NCAN: variants seen among roughly 807,000 people sequenced by gnomAD.
NCAN encodes neurocan core protein.
In NCAN, 47 loss-of-function variants were observed where a neutral mutation model predicts 121.8. The observed-to-expected ratio is 0.39, with a 90% CI of 0.31 to 0.49. NCAN has a LOEUF of 0.49. NCAN is among the 20% of genes least tolerant of loss of function. NCAN has a pLI of 0.92. For missense variants in NCAN, 1,517 were observed against 1,773.4 expected, an observed-to-expected ratio of 0.86 and a Z score of 2.60; for synonymous variants, 633 against 702.0, an observed-to-expected ratio of 0.90 and a Z score of 1.55.
At chr19:19,216,297 C>T (rs997136054) in intron 1 of NCAN, among the ~76,000 whole-genome samples, 17 of 150,728 alleles carry the variant, frequency 1.1e-4, no homozygotes, top group Non-Finnish European at 2.5e-4. Context: ...CACAGGTGTG[C>T]GCCACCAAGC....
chr19:19,240,201 C>A (rs1426879095), intron 11 of NCAN, among the ~76,000 whole-genome samples: 1 of 150,348 alleles, frequency 6.7e-6, no homozygotes. Flanking sequence ...TCCCTTCCTT[C>A]CCCCTTCCCT....
intron 8 of NCAN, among the ~76,000 whole-genome samples, chr19:19,230,710 G>A (rs900934346): frequency 4.8e-5 from 7 of 146,366 alleles, no homozygotes; most frequent in Non-Finnish European, 8.9e-5. Context: ...GTGTTGGGGT[G>A]GGATCTTTTT....
chr19:19,221,371 C>G (rs933925919), intron 3 of NCAN, among the ~76,000 whole-genome samples: 1 of 152,044 alleles, frequency 6.6e-6, no homozygotes, highest in Admixed American at 6.6e-5. Flanking sequence ...AGTTCGAGAC[C>G]AGCCTGGCCA....
At chr19:19,219,417 T>TGGCATGAGACACCA in intron 3 of NCAN, 101 bp downstream of exon 3, 1 of 1,241,382 alleles carries the variant, frequency 8.1e-7, no homozygotes, top group Non-Finnish European at 1.1e-6. Flanking sequence ...CCCTGAGACC[T>TGGCATGAGACACCA]GGCCTGGTGT....
At chr19:19,233,658 T>G in intron 8 of NCAN, 131 bp from the exon 9 acceptor site, 3 of 629,742 alleles carry the variant, frequency 4.8e-6, no homozygotes, top group Non-Finnish European at 8.7e-6. Context: ...TGACCGCTGG[T>G]TGGGGAAGTT....
intron 10 of NCAN, 148 bp from the exon 11 acceptor site, chr19:19,238,105 G>T: frequency 1.0e-6 from 1 of 976,858 alleles, no homozygotes; most frequent in Non-Finnish European, 1.6e-6. Flanking sequence ...CAGAGCCTCA[G>T]GAGGAGGGGC....
At chr19:19,240,717 T>A in intron 12 of NCAN, 32 bp downstream of exon 12, 1 of 1,606,178 alleles carries the variant, frequency 6.2e-7, no homozygotes, top group Non-Finnish European at 8.5e-7. Context: ...CCTAGGCTGC[T>A]GAGCCACATC....
Position 19,228,176 on chromosome 19 carries a change from A to C in NCAN, c.2556A>C (p.Glu852Asp). 6.2e-7 allele frequency: 1 copy of C among 1,613,838 alleles called. No homozygotes were observed. Among genetic ancestry groups the C allele is most frequent in the Non-Finnish European group, 8.5e-7 (1 of 1,180,000 alleles). The change falls in exon 8 of 15, where the codon GAA (glutamate) becomes GAC (aspartate). Residue 852 changes from glutamate to aspartate, a missense_variant. Coordinates refer to ENST00000252575, the MANE Select transcript of NCAN (RefSeq NM_004386.3). ...GIWEPGSQVFEEAESTTLSPQ... is the reference protein window; with the variant it reads ...GIWEPGSQVFDEAESTTLSPQ... ...GGGAACCTGGATCCCAGGTGTTTGA[A>C]GAAGCCGAAAGCACCACCTTGAGCC...
chr19:19,248,295 A>G (rs2060932820), intron 13 of NCAN, among the ~76,000 whole-genome samples: 1 of 152,104 alleles, frequency 6.6e-6, no homozygotes, highest in South Asian at 2.1e-4. Context: ...AAATACAAAA[A>G]TTAGCCAGCC....
chr19:19,237,645 C>T (rs1034305240), intron 10 of NCAN, among the ~76,000 whole-genome samples: 21 of 152,200 alleles, frequency 1.4e-4, no homozygotes, highest in African/African-American at 3.6e-4. Flanking sequence ...CATGTCCATA[C>T]GAAGGGTGTG....
Position 19,225,322 on chromosome 19 carries a change from G to GC in NCAN, c.1072+54dup. The GC allele has an allele frequency of 6.8e-7, 1 of 1,460,914 alleles. No homozygotes were observed. The highest frequency in any genetic ancestry group is 8.9e-7 in the Non-Finnish European group (1 of 1,120,786). 90.5% of individuals were successfully genotyped at this position (1,460,914 alleles called of 1,614,324 possible). A position where few individuals can be genotyped will look rare whatever the true frequency, so the allele number is the denominator to read the frequency against. ...CCCCAGGGCTTTCACTTTGGCGAAG[G>GC]CCACGTCCCTGAAAGCCTCGCCAAG... On this transcript the variant is annotated intron_variant, in intron 6 of 14. Transcript: ENST00000252575. The surrounding 1 kb of genome is among the most constrained non-coding windows in gnomAD (Gnocchi z 4.0).
At position 19,250,329 on chromosome 19, in the gene NCAN, A is replaced by C; in HGVS notation, c.*418A>C. The stretch of plus-strand genomic sequence containing the variant: ...TTAGTCAATGTTGGCTGAATTCCTA[A>C]ATCCAGGAAGAAGCCTGGACGTAGG... On this transcript the variant is annotated 3_prime_UTR_variant, in exon 15 of 15. Coordinates refer to ENST00000252575, the MANE Select transcript of NCAN (RefSeq NM_004386.3). 1 of 368,586 alleles carries C rather than the reference A, an allele frequency of 2.7e-6. No homozygotes were observed. Among genetic ancestry groups the C allele is most frequent in the Non-Finnish European group, 5.3e-6 (1 of 189,394 alleles). The allele number at this position is 368,586 out of a possible 1,614,324, so 22.8% of individuals were successfully genotyped here. A position where few individuals can be genotyped will look rare whatever the true frequency, so the allele number is the denominator to read the frequency against.
chr19:19,244,256 C>A (rs187361588), intron 12 of NCAN, among the ~76,000 whole-genome samples: 4 of 151,590 alleles, frequency 2.6e-5, no homozygotes, highest in Admixed American at 2.6e-4. Context: ...TGAGCCTTCA[C>A]ACTGGTGGTT....
chr19:19,240,397 G>A (rs139132274), intron 11 of NCAN, among the ~76,000 whole-genome samples: 124 of 151,346 alleles, frequency 8.2e-4, no homozygotes, highest in African/African-American at 2.7e-3. Context: ...TGAGGGAGGG[G>A]CTCTGGGTCC....
chr19:19,219,687 A>AAAAAG (rs1237601236), intron 3 of NCAN, among the ~76,000 whole-genome samples: 2 of 149,888 alleles, frequency 1.3e-5, no homozygotes, highest in Non-Finnish European at 3.0e-5. Flanking sequence ...AAAAAAAAAA[A>AAAAAG]AAAAAGGAAA....
chr19:19,217,057 G>C, intron 2 of NCAN, 31 bp downstream of exon 2: 1 of 1,305,578 alleles, frequency 7.7e-7, no homozygotes, highest in Non-Finnish European at 9.8e-7. Flanking sequence ...GGAGAGATTG[G>C]GGTCTAGGGG....
chr19:19,235,420 G>A (rs955084858), intron 10 of NCAN, among the ~76,000 whole-genome samples: 5 of 151,648 alleles, frequency 3.3e-5, no homozygotes, highest in Middle Eastern at 3.4e-3. Context: ...ACAGGCGCCC[G>A]CCACCACGCC....
chr19:19,239,815 C>T (rs1485352308), intron 11 of NCAN, among the ~76,000 whole-genome samples: 1 of 136,544 alleles, frequency 7.3e-6, no homozygotes, highest in Non-Finnish European at 1.6e-5. Context: ...CTCTTTTCTC[C>T]TCCCCATTCA....
At chr19:19,238,451 G>A in intron 11 of NCAN, 40 bp downstream of exon 11, 2 of 1,612,688 alleles carry the variant, frequency 1.2e-6, no homozygotes, top group Non-Finnish European at 1.7e-6. Context: ...CTGGAGGGTG[G>A]GCAGGGGTGG....
Sources: allele counts gnomAD v4.1 joint callset (sites outside exome capture counted in the v4.1 genomes callset), GRCh38; gene constraint gnomAD v4.1.1; non-coding constraint Gnocchi (gnomAD v3.1); transcripts MANE v1.5; gene names NCBI Gene and HGNC (gene_info 2026-07-23, HGNC 2026-07-21).